Variants in CCDC60 observed in about 807,000 individuals in gnomAD.
The protein encoded by CCDC60 is coiled-coil domain containing 60, also known as coiled-coil domain-containing protein 60.
CCDC60 carries 54 observed loss-of-function variants against 63.5 expected under a neutral mutation model. That is an observed-to-expected ratio of 0.85 (90% CI 0.68 to 1.07). CCDC60 has a LOEUF of 1.07. CCDC60 is among the 50% of genes least tolerant of loss of function. The probability of loss-of-function intolerance (pLI) is 0.00; values close to 1 mark genes in which losing one functional copy is unlikely to be tolerated. For missense variants in CCDC60, 651 were observed against 684.3 expected, an observed-to-expected ratio of 0.95 and a Z score of 0.54; for synonymous variants, 206 against 238.8, an observed-to-expected ratio of 0.86 and a Z score of 1.27.
intron 1 of CCDC60, among the ~76,000 whole-genome samples, chr12:119,412,970 G>T (rs892755139): frequency 6.6e-6 from 1 of 152,022 alleles, no homozygotes; most frequent in African/African-American, 2.4e-5. Flanking sequence ...CAAGCCTCCC[G>T]CATTTCCAGA....
chr12:119,450,868 A>AAAGAG (rs112032535), intron 2 of CCDC60, among the ~76,000 whole-genome samples: 10 of 141,728 alleles, frequency 7.1e-5, no homozygotes, highest in Non-Finnish European at 7.6e-5. Context: ...AAAAAAAAAA[A>AAAGAG]AGAGAGAGAG....
intron 11 of CCDC60, among the ~76,000 whole-genome samples, chr12:119,524,968 A>C (rs1012977281): frequency 1.3e-4 from 20 of 151,914 alleles, no homozygotes; most frequent in Non-Finnish European, 2.6e-4. Context: ...ACACAGCTGG[A>C]AACAATATTT....
At chr12:119,372,639 C>T (rs1248376714) in intron 1 of CCDC60, among the ~76,000 whole-genome samples, 33 of 152,114 alleles carry the variant, frequency 2.2e-4, no homozygotes, top group Non-Finnish European at 1.6e-4. Flanking sequence ...CCTCCACCTA[C>T]GAATCCCCAC....
intron 1 of CCDC60, among the ~76,000 whole-genome samples, chr12:119,398,712 A>G (rs1956332269): frequency 6.6e-6 from 1 of 152,258 alleles, no homozygotes; most frequent in African/African-American, 2.4e-5. Flanking sequence ...TGGTGAAACT[A>G]GCATTTTACA....
At chr12:119,494,529 C>T (rs764214483) in intron 5 of CCDC60, among the ~76,000 whole-genome samples, 11 of 152,326 alleles carry the variant, frequency 7.2e-5, no homozygotes, top group African/African-American at 1.7e-4. Flanking sequence ...CCTACGCTTA[C>T]AATCCTGATT....
At chr12:119,482,074 C>G (rs1309007163) in intron 4 of CCDC60, among the ~76,000 whole-genome samples, 1 of 129,524 alleles carries the variant, frequency 7.7e-6, no homozygotes, top group Non-Finnish European at 1.6e-5. Flanking sequence ...TGATGGAATA[C>G]TACTCATCCA....
At chr12:119,493,523 T>A (rs966253059) in intron 5 of CCDC60, among the ~76,000 whole-genome samples, 1 of 151,330 alleles carries the variant, frequency 6.6e-6, no homozygotes, top group African/African-American at 2.4e-5. Flanking sequence ...TCTGAGTCTC[T>A]GCTTTATTGA....
At chr12:119,429,597 G>A (rs1956960648) in intron 2 of CCDC60, 1 of 152,216 alleles carries the variant, frequency 6.6e-6, no homozygotes, top group Admixed American at 6.6e-5. Context: ...GGCAAAGTGA[G>A]ACACCCTCTC....
At chr12:119,346,774 CTCTTTCTTTCTTTCTTTCTT>C (rs61270891) in intron 1 of CCDC60, among the ~76,000 whole-genome samples, 3,277 of 125,388 alleles carry the variant, frequency 0.026, 54 homozygotes, top group African/African-American at 0.038. Context: ...ACTCATCTTT[CTCTTTCTTTCTTTCTTTCTT>C]TCTTTCTTTC....
intron 4 of CCDC60, among the ~76,000 whole-genome samples, chr12:119,480,728 CCACCATCATCAT>C (rs1316128899): frequency 1.4e-5 from 2 of 140,774 alleles, no homozygotes; most frequent in Admixed American, 7.1e-5. Context: ...ACCATCATCA[CCACCATCATCAT>C]CACCATCATC....
At chr12:119,424,186 A>G (rs1304654837) in intron 1 of CCDC60, among the ~76,000 whole-genome samples, 1 of 152,224 alleles carries the variant, frequency 6.6e-6, no homozygotes, top group East Asian at 1.9e-4. Flanking sequence ...CCTAATTTGT[A>G]TCAGATCACA....
At chr12:119,488,995 G>A (rs1951520784) in intron 5 of CCDC60, 129 bp downstream of exon 5, 1 of 745,242 alleles carries the variant, frequency 1.3e-6, no homozygotes, top group East Asian at 2.6e-5. Context: ...TCTTCTATGT[G>A]CTCTGTGGGA....
chr12:119,422,099 A>C (rs1956824014), intron 1 of CCDC60, among the ~76,000 whole-genome samples: 1 of 152,182 alleles, frequency 6.6e-6, no homozygotes. Context: ...TGCTGTTCAC[A>C]CATGCTGTAG....
At chr12:119,415,151 G>C (rs1956677193) in intron 1 of CCDC60, among the ~76,000 whole-genome samples, 2 of 152,134 alleles carry the variant, frequency 1.3e-5, no homozygotes, top group African/African-American at 4.8e-5. Flanking sequence ...AGACTAAAAT[G>C]CAAATAGTGT....
intron 1 of CCDC60, among the ~76,000 whole-genome samples, chr12:119,359,637 A>G (rs375978923): frequency 6.6e-5 from 10 of 151,836 alleles, no homozygotes; most frequent in African/African-American, 2.4e-4. Context: ...CAGATAAACA[A>G]GTGAACAAAG....
intron 3 of CCDC60, among the ~76,000 whole-genome samples, chr12:119,475,338 G>A (rs1007916290): frequency 3.3e-5 from 5 of 152,158 alleles, no homozygotes; most frequent in Non-Finnish European, 7.3e-5. Context: ...TGTTCCACTT[G>A]TTTGGATGGA....
intron 2 of CCDC60, among the ~76,000 whole-genome samples, chr12:119,443,520 A>T (rs1950484327): frequency 6.6e-6 from 1 of 152,198 alleles, no homozygotes; most frequent in African/African-American, 2.4e-5. Flanking sequence ...GGGGAAAGGG[A>T]CGTGTCTGTC....
intron 13 of CCDC60, among the ~76,000 whole-genome samples, chr12:119,540,368 A>C (rs1362756972): frequency 1.3e-5 from 2 of 152,156 alleles, no homozygotes; most frequent in African/African-American, 4.8e-5. Flanking sequence ...TCCTCCCCAA[A>C]TTTCCTTGCA....
At chr12:119,506,690 G>A (rs545712838) in intron 7 of CCDC60, among the ~76,000 whole-genome samples, 3 of 152,130 alleles carry the variant, frequency 2.0e-5, no homozygotes, top group African/African-American at 7.2e-5. Flanking sequence ...AAAGCTATGA[G>A]CCCTCACACA....
Sources: gnomAD v4.1 joint callset for allele counts (sites outside exome capture counted in the v4.1 genomes callset) on GRCh38, gnomAD v4.1.1 for gene constraint, MANE v1.5 for transcripts, NCBI Gene and HGNC (gene_info 2026-07-23, HGNC 2026-07-21) for gene names.